Variants in EPHA5 observed in about 807,000 individuals in gnomAD.
EPHA5 encodes EPH receptor A5, also known as ephrin type-A receptor 5.
A neutral mutation model predicts 105.0 loss-of-function variants in EPHA5; 60 were observed. The ratio of observed to expected loss-of-function variants is 0.57; its 90% CI spans 0.46 to 0.71. EPHA5 has a LOEUF of 0.71. EPHA5 is among the 30% of genes least tolerant of loss of function. EPHA5 has a pLI of 0.00. For missense variants in EPHA5, 1,218 were observed against 1,274.7 expected (o/e 0.96, Z 0.68); for synonymous variants, 513 against 449.1 (o/e 1.14, Z -1.80).
Position 65,321,404 on chromosome 4 carries a change from T to G in EPHA5, c.*2710A>C. On this transcript the variant is annotated 3_prime_UTR_variant, in exon 17 of 17. Transcript: ENST00000613740. ...TTGGCTCCTCTCCTTGTTCCATTTC[T>G]CACACTTGCAGATGAGATTGGCATT... 1 of 230,418 alleles carries G rather than the reference T, an allele frequency of 4.3e-6. No individual in the cohort carries two copies. Among genetic ancestry groups the G allele is most frequent in the Non-Finnish European group, 8.6e-6 (1 of 116,200 alleles). The allele number at this position is 230,418 out of a possible 1,614,324, so 14.3% of individuals were successfully genotyped here.
chr4:65,494,417 A>G (rs930491505), intron 4 of EPHA5, among the ~76,000 whole-genome samples: 3 of 152,214 alleles, frequency 2.0e-5, no homozygotes, highest in Non-Finnish European at 4.4e-5. Flanking sequence ...TAGTAAATCC[A>G]GGCAGTTCAT....
intron 5 of EPHA5, among the ~76,000 whole-genome samples, chr4:65,479,204 T>C (rs1197982947): frequency 6.6e-6 from 1 of 152,248 alleles, no homozygotes; most frequent in Non-Finnish European, 1.5e-5. Context: ...TTAGCTCATT[T>C]GATTGTTGTA....
In EPHA5 at chr4:65,669,981, G is replaced by T; in HGVS notation, c.-239C>A. Reference sequence around the variant, plus strand: ...GTTAAATGAAATATTAGTTCTGGTTGCTAGTGCAGATCTGGACTCGGATCA... The same window carrying T: ...GTTAAATGAAATATTAGTTCTGGTTTCTAGTGCAGATCTGGACTCGGATCA... On this transcript the variant is annotated 5_prime_UTR_variant, in exon 1 of 17. Transcript: ENST00000613740. The T allele has an allele frequency of 2.0e-6, 1 of 508,470 alleles. No homozygotes were observed. Among genetic ancestry groups the T allele is most frequent in the East Asian group, 3.5e-5 (1 of 28,332 alleles). 31.5% of individuals were successfully genotyped at this position (508,470 alleles called of 1,614,324 possible).
At chr4:65,386,737 A>C (rs73218334) in intron 8 of EPHA5, among the ~76,000 whole-genome samples, 4,260 of 152,118 alleles carry the variant, frequency 0.028, 207 homozygotes, top group African/African-American at 0.096. Context: ...CTACCAATTA[A>C]AAATTCAACT....
chr4:65,472,822 C>T (rs549993672), intron 5 of EPHA5, among the ~76,000 whole-genome samples: 1 of 152,306 alleles, frequency 6.6e-6, no homozygotes, highest in Admixed American at 6.5e-5. Flanking sequence ...CTCTGACAGG[C>T]CCTGGACACA....
chr4:65,574,416 T>G (rs1740585270), intron 3 of EPHA5: 4 of 524,460 alleles, frequency 7.6e-6, no homozygotes, highest in Non-Finnish European at 1.1e-5. Context: ...CTCAAATAAC[T>G]CAAATACATG....
intron 3 of EPHA5, among the ~76,000 whole-genome samples, chr4:65,585,586 C>CT (rs1742041797): frequency 6.6e-6 from 1 of 151,750 alleles, no homozygotes; most frequent in Non-Finnish European, 1.5e-5. Context: ...AAAACAACAT[C>CT]TTTTTGTTTC....
chr4:65,463,659 T>G (rs763831993), intron 5 of EPHA5, among the ~76,000 whole-genome samples: 12 of 152,124 alleles, frequency 7.9e-5, no homozygotes, highest in Non-Finnish European at 1.5e-4. Context: ...TGTCCTCATT[T>G]AAGTATAAGT....
At chr4:65,533,215 G>A (rs72642614) in intron 3 of EPHA5, among the ~76,000 whole-genome samples, 31,571 of 151,796 alleles carry the variant, frequency 0.21, 3,358 homozygotes, top group African/African-American at 0.22. Context: ...TAGGCTTGCT[G>A]CTTAAGGCTT....
At chr4:65,438,749 G>A (rs1023828677) in intron 5 of EPHA5, among the ~76,000 whole-genome samples, 5 of 150,724 alleles carry the variant, frequency 3.3e-5, no homozygotes, top group Non-Finnish European at 5.9e-5. Flanking sequence ...CTACAAGATG[G>A]TTAGAGGTTT....
At chr4:65,655,417 TA>T (rs2087729966) in intron 1 of EPHA5, among the ~76,000 whole-genome samples, 1 of 152,162 alleles carries the variant, frequency 6.6e-6, no homozygotes, top group African/African-American at 2.4e-5. Flanking sequence ...CCAACCCAAG[TA>T]ATTCTTATGT....
chr4:65,534,726 C>T (rs1356440933), intron 3 of EPHA5, among the ~76,000 whole-genome samples: 1 of 152,128 alleles, frequency 6.6e-6, no homozygotes, highest in Non-Finnish European at 1.5e-5. Context: ...AAGTATGGAT[C>T]TCATTATGTT....
At chr4:65,328,629 A>T (rs1720306484) in intron 16 of EPHA5, among the ~76,000 whole-genome samples, 1 of 125,848 alleles carries the variant, frequency 7.9e-6, no homozygotes, top group Non-Finnish European at 1.7e-5. Context: ...GAGTTTTATC[A>T]TGCAGTTGTA....
intron 3 of EPHA5, among the ~76,000 whole-genome samples, chr4:65,537,565 C>G (rs894095104): frequency 6.6e-6 from 1 of 151,610 alleles, no homozygotes; most frequent in African/African-American, 2.4e-5. Context: ...AGTTTAGAAC[C>G]ATTTCCTACT....
intron 4 of EPHA5, among the ~76,000 whole-genome samples, chr4:65,491,453 A>G (rs1270698016): frequency 1.3e-5 from 2 of 152,098 alleles, no homozygotes; most frequent in Non-Finnish European, 2.9e-5. Context: ...AAAAGCGTTC[A>G]GATTTTGAAG....
chr4:65,387,769 G>A (rs1333762387), intron 8 of EPHA5, among the ~76,000 whole-genome samples: 1 of 151,604 alleles, frequency 6.6e-6, no homozygotes, highest in Non-Finnish European at 1.5e-5. Context: ...GTAGAATACT[G>A]GTTTATTACA....
At chr4:65,541,000 A>G (rs1736774729) in intron 3 of EPHA5, among the ~76,000 whole-genome samples, 1 of 151,402 alleles carries the variant, frequency 6.6e-6, no homozygotes, top group African/African-American at 2.4e-5. Flanking sequence ...AATGATGAAA[A>G]TACAACCATA....
intron 10 of EPHA5, 116 bp downstream of exon 10, chr4:65,365,816 G>T (rs1402828711): frequency 5.7e-5 from 61 of 1,073,560 alleles, no homozygotes; most frequent in Non-Finnish European, 8.1e-5. Context: ...ATATCACTTT[G>T]AATGCAAGCC....
At chr4:65,435,406 T>C (rs1446459486) in intron 5 of EPHA5, among the ~76,000 whole-genome samples, 6 of 152,082 alleles carry the variant, frequency 3.9e-5, no homozygotes, top group Non-Finnish European at 7.4e-5. Flanking sequence ...ATTTGTATGG[T>C]TTTTTCATCT....
Sources: allele counts gnomAD v4.1 joint callset (sites outside exome capture counted in the v4.1 genomes callset), GRCh38; gene constraint gnomAD v4.1.1; transcripts MANE v1.5; gene names NCBI Gene and HGNC (gene_info 2026-07-23, HGNC 2026-07-21).